The following MPPE1 variants were observed in gnomAD, a reference collection of about 807,000 sequenced individuals.
MPPE1 encodes metallo phosphoesterase.
Under a neutral mutation model 43.8 loss-of-function variants are expected in MPPE1, and 28 were observed. The ratio of observed to expected loss-of-function variants is 0.64; its 90% confidence interval spans 0.47 to 0.88. MPPE1 has a LOEUF of 0.88. Among genes scored for constraint, MPPE1 ranks in the 40% least tolerant of loss-of-function variants. MPPE1 has a pLI of 0.00. For missense variants in MPPE1, 428 were observed against 492.2 expected (o/e 0.87, Z 1.23); for synonymous variants, 159 against 188.5 (o/e 0.84, Z 1.28).
At chr18:11,887,152 A>T in intron 6 of MPPE1, 127 bp from the exon 7 acceptor site, 1 of 613,838 alleles carries the variant, frequency 1.6e-6, no homozygotes, top group Non-Finnish European at 2.8e-6. Context: ...TTTCAATCCC[A>T]CCCAGAATAA....
At chr18:11,897,451 C>A (rs901441131) in intron 2 of MPPE1, 95 bp from the exon 3 acceptor site, 1 of 582,580 alleles carries the variant, frequency 1.7e-6, no homozygotes, top group Non-Finnish European at 3.0e-6. Flanking sequence ...ATAATCCTAT[C>A]TACATTTCCA....
intron 2 of MPPE1, among the ~76,000 whole-genome samples, chr18:11,904,313 TTA>T (rs1491335834): frequency 0.012 from 1,383 of 119,384 alleles, 19 homozygotes; most frequent in African/African-American, 0.057. Context: ...TCTTTTTTAT[TTA>T]TTTATTTATT....
chr18:11,883,297 C>G lies in MPPE1; in HGVS notation c.*1148G>C, dbSNP rs1254009412. 3 of 152,244 alleles carry G rather than the reference C, an allele frequency of 2.0e-5. No individual in the cohort carries two copies. The highest frequency in any genetic ancestry group is 4.4e-5 in the Non-Finnish European group (3 of 68,034). The allele number at this position is 152,244 out of a possible 1,614,324, so 9.4% of individuals were successfully genotyped here. On this transcript the variant is annotated 3_prime_UTR_variant, in exon 11 of 11. Transcript: ENST00000588072. ...TACAATGGAAATTATTTTCAGTTCC[C>G]CTTGCACTGTCAAAGTAAAACAAGA...
rs1161984314 is a variant in MPPE1, at chr18:11,884,142, C to T, written c.*303G>A. 1 of 270,152 alleles carries T rather than the reference C, an allele frequency of 3.7e-6. No individual in the cohort carries two copies. The highest frequency in any genetic ancestry group is 2.2e-5 in the African/African-American group (1 of 45,798). 16.7% of individuals were successfully genotyped at this position (270,152 alleles called of 1,614,324 possible). A position where few individuals can be genotyped will look rare whatever the true frequency, so the allele number is the denominator to read the frequency against. ...CAGGCCCTTCCTGGGGGAACAAGGA[C>T]TGTCGTGCATGTGAGTGACGACATT... is the stretch of plus-strand genomic sequence containing the variant. On this transcript the variant is annotated 3_prime_UTR_variant, in exon 11 of 11. Coordinates refer to ENST00000588072, the MANE Select transcript of MPPE1 (RefSeq NM_023075.6).
intron 3 of MPPE1, among the ~76,000 whole-genome samples, chr18:11,895,598 C>G (rs1304227442): frequency 1.3e-5 from 2 of 151,684 alleles, no homozygotes; most frequent in Non-Finnish European, 2.9e-5. Context: ...GACTGCAGTG[C>G]CATGGTCATA....
intron 4 of MPPE1, chr18:11,893,188 A>C: frequency 2.8e-6 from 1 of 362,302 alleles, no homozygotes; most frequent in Non-Finnish European, 5.0e-6. Flanking sequence ...TTCACAAAAC[A>C]GTGTATTCCA....
intron 2 of MPPE1, chr18:11,905,756 G>A (rs2039658794): frequency 6.6e-6 from 1 of 152,242 alleles, no homozygotes; most frequent in Admixed American, 6.5e-5. Flanking sequence ...CAGGAAAGAG[G>A]AAACCGTGAG....
In MPPE1 at chr18:11,886,693, C is replaced by G; in HGVS notation, c.744+20G>C. ...AGGCTGCCTGCTGTCTGCCATGAGC[C>G]CTTTCCTCCCCCAGCTCACCTGCAG... On this transcript the variant is annotated intron_variant, in intron 8 of 10. Coordinates refer to ENST00000588072, the MANE Select transcript of MPPE1 (RefSeq NM_023075.6). This position sits in a 1 kb window ranked among gnomAD's most constrained non-coding sequence, Gnocchi z 4.1. 6.2e-7 allele frequency: 1 copy of G among 1,613,868 alleles called. No homozygotes were observed. Among genetic ancestry groups the G allele is most frequent in the South Asian group, 1.1e-5 (1 of 91,080 alleles).
chr18:11,889,947 CTT>C (rs35489693), intron 4 of MPPE1, among the ~76,000 whole-genome samples: 1 of 145,212 alleles, frequency 6.9e-6, no homozygotes. Flanking sequence ...TGATGTAGAA[CTT>C]TTTTTTTTTT....
intron 2 of MPPE1, chr18:11,905,861 G>T (rs1055709002): frequency 1.5e-4 from 23 of 152,230 alleles, no homozygotes; most frequent in African/African-American, 5.1e-4. Flanking sequence ...TGCTGAATTG[G>T]AAAGTAGCCA....
intron 2 of MPPE1, among the ~76,000 whole-genome samples, chr18:11,900,371 T>C (rs1234671906): frequency 2.1e-4 from 32 of 150,734 alleles, no homozygotes; most frequent in Admixed American, 2.0e-3. Context: ...CTGGGCGTGG[T>C]GGTGGGCGTC....
chr18:11,885,047 G>A (rs767006415), intron 10 of MPPE1: 258 of 1,293,492 alleles, frequency 2.0e-4, no homozygotes, highest in Non-Finnish European at 2.5e-4. Flanking sequence ...CTGTTCCCTA[G>A]AAATACATGT....
chr18:11,895,522 C>T (rs967277336), intron 3 of MPPE1, among the ~76,000 whole-genome samples: 2 of 149,398 alleles, frequency 1.3e-5, no homozygotes, highest in African/African-American at 2.5e-5. Context: ...TACATTTCTC[C>T]GTTTTTCTTA....
At chr18:11,888,424 CAG>C (rs1227285813) in intron 6 of MPPE1, among the ~76,000 whole-genome samples, 5 of 152,218 alleles carry the variant, frequency 3.3e-5, no homozygotes, top group African/African-American at 1.2e-4. Flanking sequence ...AGTGGCTGGG[CAG>C]AGTCATAAAC....
chr18:11,895,284 A>AAAT (rs1181923402), intron 3 of MPPE1: 1 of 152,278 alleles, frequency 6.6e-6, no homozygotes, highest in Non-Finnish European at 1.5e-5. Flanking sequence ...ATCTCTACAA[A>AAAT]AAAGTAAAAA....
intron 2 of MPPE1, among the ~76,000 whole-genome samples, chr18:11,904,773 T>C (rs1379549015): frequency 6.6e-6 from 1 of 151,732 alleles, no homozygotes; most frequent in Non-Finnish European, 1.5e-5. Context: ...CCATCTCTAC[T>C]AAATATATTT....
At chr18:11,903,030 G>A (rs971809493) in intron 2 of MPPE1, among the ~76,000 whole-genome samples, 24 of 152,224 alleles carry the variant, frequency 1.6e-4, no homozygotes, top group Admixed American at 1.0e-3. Flanking sequence ...GAGTTCTGGC[G>A]CTTCCCTCAA....
chr18:11,891,910 G>C (rs1045447373), intron 4 of MPPE1, among the ~76,000 whole-genome samples: 2 of 152,122 alleles, frequency 1.3e-5, no homozygotes, highest in African/African-American at 2.4e-5. Context: ...GACCTCCCAG[G>C]CTCAAGCGAT....
chr18:11,904,244 A>G (rs776024223), intron 2 of MPPE1, among the ~76,000 whole-genome samples: 7 of 152,216 alleles, frequency 4.6e-5, no homozygotes, highest in Non-Finnish European at 8.8e-5. Context: ...TGGCACTGTT[A>G]CATATTTTCC....
Sources: allele counts gnomAD v4.1 joint callset (sites outside exome capture counted in the v4.1 genomes callset), GRCh38; gene constraint gnomAD v4.1.1; non-coding constraint Gnocchi (gnomAD v3.1); transcripts MANE v1.5; gene names NCBI Gene and HGNC (gene_info 2026-07-23, HGNC 2026-07-21).